The following CSRNP1 variants were observed in gnomAD, a reference collection of about 807,000 sequenced individuals.
The protein encoded by CSRNP1 is cysteine and serine rich nuclear protein 1, also known as cysteine/serine-rich nuclear protein 1.
A neutral mutation model predicts 25.0 loss-of-function variants in CSRNP1; 8 were observed. The ratio of observed to expected loss-of-function variants is 0.32; its 90% CI spans 0.19 to 0.58. CSRNP1 has a LOEUF of 0.58. CSRNP1 is among the 20% of genes least tolerant of loss of function. The pLI is 0.88. For synonymous variants in CSRNP1, 305 were observed against 303.1 expected (o/e 1.01, Z -0.06); for missense variants, 691 against 773.1 (o/e 0.89, Z 1.26).
Position 39,143,176 on chromosome 3 carries a change from C to G in CSRNP1, c.1649G>C (p.Ser550Thr). Residue 550 changes from serine to threonine, a missense_variant, in exon 5 of 5, where the codon AGT (serine) becomes ACT (threonine). Transcript: ENST00000273153. The part of the protein sequence containing the change: ...PGLSPPGDAS[S>T]CFLESLMGFS... ...GCCCATGAGGGACTCCAGGAAGCAA[C>G]TGCTGGCATCCCCAGGTGGAGACAG... is the stretch of plus-strand genomic sequence containing the variant. 1 of 1,614,240 alleles carries G rather than the reference C, an allele frequency of 6.2e-7. No homozygotes were observed. The highest frequency in any genetic ancestry group is 1.1e-5 in the South Asian group (1 of 91,086).
rs704960 is a variant in CSRNP1, at chr3:39,142,862, C to G, written c.*193G>C. ...GCTGAAAGGGGAAGCCCCCTCCCCC[C>G]AGTCCTCTCTTCAGCACAGAAAAGT... On this transcript the variant is annotated 3_prime_UTR_variant, in exon 5 of 5. Transcript: ENST00000273153. 2 of 580,010 alleles carry G rather than the reference C, an allele frequency of 3.4e-6. No individual in the cohort carries two copies. The highest frequency in any genetic ancestry group is 1.9e-5 in the African/African-American group (1 of 52,910). 35.9% of individuals were successfully genotyped at this position (580,010 alleles called of 1,614,324 possible). A position where few individuals can be genotyped will look rare whatever the true frequency, so the allele number is the denominator to read the frequency against.
At chr3:39,147,858 G>A (rs1490568117) in intron 1 of CSRNP1, among the ~76,000 whole-genome samples, 3 of 152,094 alleles carry the variant, frequency 2.0e-5, no homozygotes, top group Non-Finnish European at 4.4e-5. Flanking sequence ...CTGGGCCTTC[G>A]GGGAGGTCAC....
In CSRNP1 at chr3:39,143,508, G is replaced by C. The variant is rs1467262976; in HGVS notation, c.1317C>G (p.Ser439Arg). ...TACAGCCAGAATAGCTGTGGGTCCA[G>C]CTGGCCAGGCCACCAGGGTCACTAG... ...FGTSDPGGLA[S>R]WTHSYSGCSF... is the part of the protein sequence containing the mutation. The change falls in exon 5 of 5, where the codon AGC (serine) becomes AGG (arginine). Residue 439 changes from serine (S) to arginine (R), a missense_variant. Coordinates refer to ENST00000273153, the MANE Select transcript of CSRNP1 (RefSeq NM_033027.4). 3 of 1,614,134 alleles carry C rather than the reference G, an allele frequency of 1.9e-6. No individual in the cohort carries two copies. The highest frequency in any genetic ancestry group is 1.3e-5 in the African/African-American group (1 of 74,958).
At chr3:39,146,777 T>C in intron 1 of CSRNP1, 55 bp from the exon 2 acceptor site, 1 of 1,504,454 alleles carries the variant, frequency 6.6e-7, no homozygotes, top group South Asian at 1.3e-5. Flanking sequence ...CAGGTGGACT[T>C]CCAGCCAGGA....
At chr3:39,146,339 C>T in intron 2 of CSRNP1, 139 bp downstream of exon 2, 1 of 1,087,266 alleles carries the variant, frequency 9.2e-7, no homozygotes, top group Non-Finnish European at 1.3e-6. Flanking sequence ...ACTGAGTGAC[C>T]ACTATATTAT....
Position 39,142,791 on chromosome 3 carries a change from CGTT to C in CSRNP1, c.*261_*263del. 2.8e-6 allele frequency: 1 copy of C among 361,390 alleles called. No homozygotes were observed. The highest frequency in any genetic ancestry group is 4.3e-5 in the Admixed American group (1 of 23,266). The allele number at this position is 361,390 out of a possible 1,614,324, so 22.4% of individuals were successfully genotyped here. On this transcript the variant is annotated 3_prime_UTR_variant, in exon 5 of 5. Coordinates refer to ENST00000273153, the MANE Select transcript of CSRNP1 (RefSeq NM_033027.4). ...CACATTTTCTCCTCTTCCAGGCTCA[CGTT>C]GTGGAGATAGAAGAGCAAGCTGTGG...
rs1408345052 is a variant in CSRNP1, at chr3:39,144,313, A to G, written c.604T>C (p.Tyr202His). ...AGAGCTCGACGTCGCCGGGCTGGGT[A>G]GGGCTGTAGGAAGCTCACTTCTTCC... ...RLEEVSFLQP[Y>H]PARRRRALLR... The change falls in exon 4 of 5, where the codon TAC becomes CAC. Residue 202 changes from tyrosine to histidine, a missense_variant. Transcript: ENST00000273153. The G allele has an allele frequency of 6.2e-7, 1 of 1,614,094 alleles. No individual in the cohort carries two copies. The highest frequency in any genetic ancestry group is 8.5e-7 in the Non-Finnish European group (1 of 1,180,016).
intron 1 of CSRNP1, chr3:39,149,493 C>T (rs189360467): frequency 2.6e-5 from 4 of 152,350 alleles, no homozygotes; most frequent in African/African-American, 9.6e-5. Context: ...AGTTCACTAA[C>T]CTTAACATGT....
rs1443753750 is a variant in CSRNP1, at chr3:39,143,023, TCTCTTGGGG to T, written c.*23_*31del. ...ATAATTACAAGAAAGCAGCAACAGG[TCTCTTGGGG>T]CTGGGAAAAGACATCCTGGTCCTCA... is the stretch of plus-strand genomic sequence containing the variant. On this transcript the variant is annotated 3_prime_UTR_variant, in exon 5 of 5. Coordinates refer to ENST00000273153, the MANE Select transcript of CSRNP1 (RefSeq NM_033027.4). 1.3e-6 allele frequency: 2 copies of T among 1,526,090 alleles called. No homozygotes were observed. The allele number at this position is 1,526,090 out of a possible 1,614,324, so 94.5% of individuals were successfully genotyped here.
At position 39,144,393 on chromosome 3, in the gene CSRNP1, A is replaced by G; in HGVS notation, c.524T>C (p.Ile175Thr). ...EAGLPPVVDA[I>T]DDASVEEDLA... ...GTCCTCCTCCACAGAGGCGTCATCA[A>G]TGGCATCCACCACAGGTGGCAGCCC... The change falls in exon 4 of 5, where the codon ATT becomes ACT. Residue 175 changes from isoleucine to threonine, a missense_variant. Ile to Thr is a moderately conservative substitution (Grantham distance 89). Coordinates refer to ENST00000273153, the MANE Select transcript of CSRNP1 (RefSeq NM_033027.4). The G allele has an allele frequency of 6.2e-7, 1 of 1,613,530 alleles. No homozygotes were observed. Among genetic ancestry groups the G allele is most frequent in the Middle Eastern group, 1.7e-4 (1 of 6,060 alleles).
chr3:39,144,624 G>C (rs1213617923), intron 3 of CSRNP1, among the ~76,000 whole-genome samples, 173 bp from the exon 4 acceptor site: 1 of 151,264 alleles, frequency 6.6e-6, no homozygotes, highest in Non-Finnish European at 1.5e-5. Flanking sequence ...CTGCCCTCAG[G>C]GCATTTGAAA....
At chr3:39,151,053 G>C (rs1439429510) in intron 1 of CSRNP1, 5 of 152,504 alleles carry the variant, frequency 3.3e-5, no homozygotes, top group Middle Eastern at 3.3e-3. Flanking sequence ...ATGAAACATA[G>C]TGAGAATCTA....
Position 39,143,954 on chromosome 3 carries a change from T to A in CSRNP1, c.871A>T (p.Thr291Ser), listed in dbSNP as rs773551314. The change falls in exon 5 of 5, where the codon ACC becomes TCC. Residue 291 changes from threonine (T) to serine (S), a missense_variant. Physicochemically the swap from Thr to Ser is moderately conservative, Grantham distance 58 (BLOSUM62 1). Coordinates refer to ENST00000273153, the MANE Select transcript of CSRNP1 (RefSeq NM_033027.4). ...CGGGTGAGTGTGTGGATGAAATGGG[T>A]CTGAACTCTTGCCTGATTAAATTCC... ...RVEFNQARVQ[T>S]HFIHTLTRLQ... 6.2e-7 allele frequency: 1 copy of A among 1,614,068 alleles called. No individual in the cohort carries two copies. Among genetic ancestry groups the A allele is most frequent in the African/African-American group, 1.3e-5 (1 of 75,022 alleles).
chr3:39,143,841 C>G lies in CSRNP1; in HGVS notation c.984G>C (p.Leu328=). ...GCTTGGCCAGTGGGAAAGTAGGGAC[C>G]AGGGCCTCCTCACCAGGGCTGGGTG... is the stretch of plus-strand genomic sequence containing the variant. ...GSPPSPGEEA[L]VPTFPLAKPP... Residue 328 remains leucine (L), a synonymous_variant, in exon 5 of 5, where the codon CTG becomes CTC. Coordinates refer to ENST00000273153, the MANE Select transcript of CSRNP1 (RefSeq NM_033027.4). The G allele has an allele frequency of 6.2e-7, 1 of 1,614,222 alleles. No individual in the cohort carries two copies. Among genetic ancestry groups the G allele is most frequent in the Middle Eastern group, 1.6e-4 (1 of 6,062 alleles).
At chr3:39,147,738 C>T (rs1314448062) in intron 1 of CSRNP1, among the ~76,000 whole-genome samples, 2 of 152,060 alleles carry the variant, frequency 1.3e-5, no homozygotes, top group African/African-American at 4.8e-5. Context: ...AGACTTGGGG[C>T]TCATTCCCTG....
In CSRNP1 at chr3:39,145,067, T is replaced by C; in HGVS notation, c.395A>G (p.Gln132Arg). 1 of 1,614,252 alleles carries C rather than the reference T, an allele frequency of 6.2e-7. No homozygotes were observed. The highest frequency in any genetic ancestry group is 8.5e-7 in the Non-Finnish European group (1 of 1,180,034). Residue 132 changes from glutamine (Q) to arginine (R), a missense_variant, in exon 3 of 5, where the codon CAA becomes CGA. Coordinates refer to ENST00000273153, the MANE Select transcript of CSRNP1 (RefSeq NM_033027.4). ...GAGCTTCTCGTGCCGTGCACGGGCTTGCTCCTGCGCAAACTCAGCCAAAGA... is the reference window on the plus strand; with the variant it reads ...GAGCTTCTCGTGCCGTGCACGGGCTCGCTCCTGCGCAAACTCAGCCAAAGA... ...RFSLAEFAQE[Q>R]ARARHEKLRQ...
rs760169100 is a variant in CSRNP1, at chr3:39,146,659, T to C, written c.24A>G (p.Lys8=). 5.7e-6 allele frequency: 9 copies of C among 1,566,658 alleles called. No homozygotes were observed. In the East Asian group the frequency reaches 1.2e-4, roughly 21 times the overall value. MTGLLKR[K]FDQLDEDNSS... is the part of the protein sequence containing the mutation. ...AGTTGTCCTCATCCAGCTGGTCAAA[T>C]TTCCTCTTCAACAGCCCAGTCATGG... The change falls in exon 2 of 5, where the codon AAA becomes AAG. Residue 8 remains lysine (K), a synonymous_variant. Coordinates refer to ENST00000273153, the MANE Select transcript of CSRNP1 (RefSeq NM_033027.4).
At position 39,153,503 on chromosome 3, in the gene CSRNP1, G is replaced by A. The variant is rs1029757611; in HGVS notation, c.-106C>T. ...CGTCCCGGCCGGGGACGCCCCCTGC[G>A]CCGCGACTCTGTGCGCTCGGCCCGG... On this transcript the variant is annotated 5_prime_UTR_variant, in exon 1 of 5. Transcript: ENST00000273153. 3 of 278,928 alleles carry A rather than the reference G, an allele frequency of 1.1e-5. No homozygotes were observed. Among genetic ancestry groups the A allele is most frequent in the South Asian group, 7.4e-5 (3 of 40,502 alleles). The allele number at this position is 278,928 out of a possible 1,614,324, so 17.3% of individuals were successfully genotyped here. A position where few individuals can be genotyped will look rare whatever the true frequency, so the allele number is the denominator to read the frequency against.
chr3:39,143,252 C>A lies in CSRNP1; in HGVS notation c.1573G>T (p.Val525Leu). Reference protein sequence around the residue: ...SLGPHYTSQKVSDSLDNIEAP... With the variant: ...SLGPHYTSQKLSDSLDNIEAP... Reference sequence around the variant, plus strand: ...TCGATGTTGTCCAGGCTGTCAGACACCTTCTGTGATGTGTAGTGAGGCCCC... The same window carrying A: ...TCGATGTTGTCCAGGCTGTCAGACAACTTCTGTGATGTGTAGTGAGGCCCC... Residue 525 changes from valine to leucine, a missense_variant, in exon 5 of 5, where the codon GTG becomes TTG. Transcript: ENST00000273153. 2 of 1,614,194 alleles carry A rather than the reference C, an allele frequency of 1.2e-6. No homozygotes were observed. The highest frequency in any genetic ancestry group is 1.7e-6 in the Non-Finnish European group (2 of 1,180,036).
Sources: allele counts gnomAD v4.1 joint callset (sites outside exome capture counted in the v4.1 genomes callset), GRCh38; gene constraint gnomAD v4.1.1; transcripts MANE v1.5; gene names NCBI Gene and HGNC (gene_info 2026-07-23, HGNC 2026-07-21).